Variants in SLC39A11 observed in about 807,000 individuals in gnomAD.
SLC39A11 encodes zinc transporter ZIP11.
SLC39A11 carries 33 observed loss-of-function variants against 36.1 expected under a neutral mutation model. The observed-to-expected ratio is 0.91, with a 90% CI of 0.69 to 1.22. The LOEUF is 1.22. Among genes scored for constraint, SLC39A11 ranks in the 50% most tolerant of loss-of-function variants. The probability of loss-of-function intolerance (pLI) is 0.00; values close to 1 mark genes in which losing one functional copy is unlikely to be tolerated. For missense variants in SLC39A11, 432 were observed against 430.3 expected, an observed-to-expected ratio of 1.00 and a Z score of -0.03; for synonymous variants, 166 against 170.3, an observed-to-expected ratio of 0.97 and a Z score of 0.20.
intron 6 of SLC39A11, among the ~76,000 whole-genome samples, chr17:72,786,344 A>G (rs757256249): frequency 2.0e-5 from 3 of 152,214 alleles, no homozygotes; most frequent in Non-Finnish European, 4.4e-5. Flanking sequence ...ATTAACCCAC[A>G]GCCTATGCCA....
chr17:72,973,112 C>A (rs553958335), intron 4 of SLC39A11, among the ~76,000 whole-genome samples: 16 of 151,394 alleles, frequency 1.1e-4, no homozygotes, highest in Non-Finnish European at 1.9e-4. Flanking sequence ...CCTTAGGAAA[C>A]GTGAACAAAC....
At chr17:72,910,360 G>A (rs66488233) in intron 5 of SLC39A11, among the ~76,000 whole-genome samples, 41,757 of 151,920 alleles carry the variant, frequency 0.27, 6,087 homozygotes, top group Non-Finnish European at 0.34. Context: ...GCGGTGGCCC[G>A]TGCCTGTAAT....
intron 6 of SLC39A11, among the ~76,000 whole-genome samples, chr17:72,836,097 G>A (rs1285742792): frequency 6.6e-6 from 1 of 152,200 alleles, no homozygotes. Flanking sequence ...CCCTGCCCAA[G>A]TCTCCTTGCT....
At chr17:73,071,213 C>T (rs2060152273) in intron 3 of SLC39A11, among the ~76,000 whole-genome samples, 1 of 152,204 alleles carries the variant, frequency 6.6e-6, no homozygotes, top group South Asian at 2.1e-4. Flanking sequence ...TGCTAGACTA[C>T]AGATGCTAGC....
At chr17:72,760,152 G>C (rs749276054) in intron 6 of SLC39A11, among the ~76,000 whole-genome samples, 1 of 152,088 alleles carries the variant, frequency 6.6e-6, no homozygotes, top group African/African-American at 2.4e-5. Flanking sequence ...TCAGCCTCCC[G>C]AGTAGCTGGG....
intron 5 of SLC39A11, among the ~76,000 whole-genome samples, chr17:72,926,263 T>C (rs1251066705): frequency 2.0e-5 from 3 of 152,252 alleles, no homozygotes; most frequent in Non-Finnish European, 2.9e-5. Context: ...GACAAATATG[T>C]AGAGAGTGAG....
In SLC39A11 at chr17:72,787,191, G is replaced by C. The variant is rs118070724; in HGVS notation, c.602-50472C>G. Among the ~76,000 whole-genome samples, 1,108 of 151,216 alleles carry C rather than the reference G, an allele frequency of 7.3e-3. 34 individuals carry two copies. The highest frequency in any genetic ancestry group is 0.045 in the Admixed American group (684 of 15,186). On this transcript the variant is annotated intron_variant, in intron 6 of 9. Coordinates refer to ENST00000255559, the MANE Select transcript of SLC39A11 (RefSeq NM_139177.4). ...TTATGCGGATGAATGCATCTTAAGA[G>C]GCTCTGAAATAGTATGCCACCAGTC...
rs142134163 is a variant in SLC39A11 at position 73,047,276 on chromosome 17, G to A, written c.148-15562C>T. On this transcript the variant is annotated intron_variant, in intron 3 of 9. Coordinates refer to ENST00000255559, the MANE Select transcript of SLC39A11 (RefSeq NM_139177.4). Reference sequence around the variant, plus strand: ...CCTGACCTCGTGATCCGCCCGCCTCGGCCTCCCAAAGTGCTGGGATTACAG... The same window carrying A: ...CCTGACCTCGTGATCCGCCCGCCTCAGCCTCCCAAAGTGCTGGGATTACAG... 8.7e-3 allele frequency among the ~76,000 whole-genome samples: 1,323 copies of A among 151,728 alleles called. 18 individuals are homozygous for A. The highest frequency in any genetic ancestry group is 0.031 in the African/African-American group (1,280 of 41,386).
At chr17:72,945,512 G>A (rs2085379359) in intron 5 of SLC39A11, among the ~76,000 whole-genome samples, 1 of 152,208 alleles carries the variant, frequency 6.6e-6, no homozygotes, top group Non-Finnish European at 1.5e-5. Flanking sequence ...CAGTTTTGGA[G>A]TCCTCAGGTG....
intron 6 of SLC39A11, among the ~76,000 whole-genome samples, chr17:72,815,869 C>T (rs1439208184): frequency 5.9e-5 from 9 of 152,116 alleles, no homozygotes; most frequent in East Asian, 1.9e-4. Flanking sequence ...TGCAGTGAGC[C>T]GAGATTGGGC....
intron 6 of SLC39A11, among the ~76,000 whole-genome samples, chr17:72,781,454 C>A (rs1172592976): frequency 6.7e-6 from 1 of 150,122 alleles, no homozygotes; most frequent in African/African-American, 2.5e-5. Context: ...GACGGAGTCT[C>A]GCTCTATCGC....
At chr17:72,914,395 C>A (rs2083216789) in intron 5 of SLC39A11, among the ~76,000 whole-genome samples, 1 of 151,822 alleles carries the variant, frequency 6.6e-6, no homozygotes, top group Non-Finnish European at 1.5e-5. Flanking sequence ...AATATAACTA[C>A]TTATATAGCA....
At chr17:73,002,793 G>A (rs138890636) in intron 4 of SLC39A11, among the ~76,000 whole-genome samples, 12 of 152,312 alleles carry the variant, frequency 7.9e-5, no homozygotes, top group Non-Finnish European at 1.8e-4. Flanking sequence ...AAATCAATGT[G>A]TCAGCAGGGC....
At chr17:72,779,228 G>A (rs1485246783) in intron 6 of SLC39A11, among the ~76,000 whole-genome samples, 1 of 152,140 alleles carries the variant, frequency 6.6e-6, no homozygotes, top group Non-Finnish European at 1.5e-5. Flanking sequence ...CAGATCACTT[G>A]AGGTCAGGAG....
chr17:72,812,725 T>C (rs1009052346), intron 6 of SLC39A11, among the ~76,000 whole-genome samples: 1 of 152,314 alleles, frequency 6.6e-6, no homozygotes, highest in South Asian at 2.1e-4. Flanking sequence ...TTCTATGATA[T>C]ATGGATGAAA....
At chr17:72,763,812 G>C (rs947929491) in intron 6 of SLC39A11, among the ~76,000 whole-genome samples, 5 of 152,092 alleles carry the variant, frequency 3.3e-5, no homozygotes, top group Non-Finnish European at 7.3e-5. Context: ...AGCCAGAAAG[G>C]GCTTCATGGA....
chr17:73,038,981 C>T (rs57630662), intron 3 of SLC39A11, among the ~76,000 whole-genome samples: 5,348 of 152,194 alleles, frequency 0.035, 107 homozygotes, highest in African/African-American at 0.051. Context: ...TCCGAACACC[C>T]TCAACTCTTT....
chr17:73,027,073 G>A (rs1451737800), intron 4 of SLC39A11, among the ~76,000 whole-genome samples: 1 of 152,138 alleles, frequency 6.6e-6, no homozygotes, highest in Non-Finnish European at 1.5e-5. Context: ...AGTAAGCCGC[G>A]ATCATGCCAC....
intron 7 of SLC39A11, among the ~76,000 whole-genome samples, chr17:72,719,092 A>T (rs2073535644): frequency 6.6e-6 from 1 of 152,074 alleles, no homozygotes; most frequent in African/African-American, 2.4e-5. Flanking sequence ...TACAAAAAAA[A>T]AAAAATTAGC....
Sources: gnomAD v4.1 joint callset for allele counts (sites outside exome capture counted in the v4.1 genomes callset) on GRCh38, gnomAD v4.1.1 for gene constraint, MANE v1.5 for transcripts, NCBI Gene and HGNC (gene_info 2026-07-23, HGNC 2026-07-21) for gene names.